FANCB: variants seen among roughly 807,000 people sequenced by gnomAD.
The protein encoded by FANCB is Fanconi anemia group B protein.
In FANCB, 5 loss-of-function variants were observed where a neutral mutation model predicts 38.9. The ratio of observed to expected loss-of-function variants is 0.13; its 90% CI spans 0.07 to 0.27. FANCB has a LOEUF of 0.27. Ranked by LOEUF, FANCB falls within the 10% of genes least tolerant of loss-of-function variation. The pLI is 1.00. For synonymous variants in FANCB, 236 were observed against 215.4 expected (o/e 1.10, Z -0.84); for missense variants, 573 against 602.7 (o/e 0.95, Z 0.52).
At position 14,843,435 on chromosome X, in the gene FANCB, C is replaced by T. The variant is rs2092361149; in HGVS notation, c.*132G>A. The T allele has an allele frequency of 4.4e-6, 2 of 455,023 alleles. No individual in the cohort carries two copies. Among genetic ancestry groups the T allele is most frequent in the African/African-American group, 5.0e-5 (2 of 40,340 alleles). The allele number at this position is 455,023 out of a possible 1,213,427, so 37.5% of individuals were successfully genotyped here. The stretch of plus-strand genomic sequence containing the variant: ...AACCACTGCTGTTTATTTTGTGCAT[C>T]ATCAAAACTAAAGTTTCTACTACAG... On this transcript the variant is annotated 3_prime_UTR_variant, in exon 10 of 10. Coordinates refer to ENST00000650831, the MANE Select transcript of FANCB (RefSeq NM_001018113.3).
chrX:14,781,846 G>C, the FANCB span, among the ~76,000 whole-genome samples: 1 of 112,057 alleles, frequency 8.9e-6, no homozygotes, highest in Non-Finnish European at 1.9e-5. Flanking sequence ...TATTCTAAAA[G>C]CAAGGTCACT....
At chrX:14,775,083 C>T in the FANCB span, among the ~76,000 whole-genome samples, 5 of 108,652 alleles carry the variant, frequency 4.6e-5, no homozygotes, top group African/African-American at 1.3e-4. Context: ...CTGCCCGCCT[C>T]GGCCTTCCAA....
At chrX:14,732,220 T>C in the FANCB span, among the ~76,000 whole-genome samples, 1 of 112,189 alleles carries the variant, frequency 8.9e-6, no homozygotes, top group Admixed American at 9.5e-5. Context: ...GAACTCATCC[T>C]TTTTTATGGC....
the FANCB span, among the ~76,000 whole-genome samples, chrX:14,780,931 C>T: frequency 5.5e-5 from 6 of 109,598 alleles, 1 homozygote; most frequent in African/African-American, 2.1e-4. Flanking sequence ...ATTTTTTCCC[C>T]AAAGCAGGGC....
the FANCB span, among the ~76,000 whole-genome samples, chrX:14,785,635 G>C: frequency 2.7e-5 from 3 of 111,944 alleles, no homozygotes; most frequent in African/African-American, 9.7e-5. Flanking sequence ...TCCTCCTCTG[G>C]TTCCCAACAG....
the FANCB span, among the ~76,000 whole-genome samples, chrX:14,707,757 G>GGTGTGTGT: frequency 0.056 from 5,977 of 106,120 alleles, 370 homozygotes; most frequent in African/African-American, 0.18. Context: ...CAGCAAAAAA[G>GGTGTGTGT]GTGTGTGTGT....
chrX:14,850,513 A>C lies in FANCB; in HGVS notation c.1488T>G (p.Ser496=). ...TGTTGGAATTTACTTACAGCTTCAA[A>C]GAAGATGTAGTTTTCACTCCAACAA... ...SLVVGVKTTS[S]LKLSLNDVTL... Residue 496 remains serine, a synonymous_variant, in exon 7 of 10, where the codon TCT becomes TCG. Transcript: ENST00000650831. 8.3e-7 allele frequency: 1 copy of C among 1,197,665 alleles called. No individual in the cohort carries two copies. The highest frequency in any genetic ancestry group is 1.8e-5 in the South Asian group (1 of 56,651).
the FANCB span, among the ~76,000 whole-genome samples, chrX:14,814,391 C>G: frequency 2.7e-5 from 3 of 111,966 alleles, no homozygotes; most frequent in South Asian, 3.7e-4. Flanking sequence ...AACAGGCAAC[C>G]TACAGAATGG....
the FANCB span, among the ~76,000 whole-genome samples, chrX:14,707,863 A>G: frequency 1.3e-3 from 147 of 111,062 alleles, 1 homozygote; most frequent in Middle Eastern, 4.7e-3. Flanking sequence ...AATCATATAT[A>G]TTTAAGGTAT....
At chrX:14,831,416 A>G (rs1262507484), downstream of FANCB, among the ~76,000 whole-genome samples, 1 of 112,201 alleles carries the variant, frequency 8.9e-6, no homozygotes, top group Non-Finnish European at 1.9e-5. Flanking sequence ...CACTGCAAAG[A>G]AATGAATCAA....
chrX:14,803,996 G>A, the FANCB span, among the ~76,000 whole-genome samples: 1 of 111,593 alleles, frequency 9.0e-6, no homozygotes, highest in Non-Finnish European at 1.9e-5. Flanking sequence ...AGGTGCTGGA[G>A]AGGATGTGGA....
the FANCB span, among the ~76,000 whole-genome samples, chrX:14,806,104 A>C: frequency 8.9e-6 from 1 of 112,091 alleles, no homozygotes; most frequent in Admixed American, 9.5e-5. Flanking sequence ...CATACAAGTA[A>C]GAGTAAGGAG....
chrX:14,845,605 G>C (rs2092373327), intron 7 of FANCB, among the ~76,000 whole-genome samples: 2 of 111,294 alleles, frequency 1.8e-5, no homozygotes, highest in African/African-American at 6.5e-5. Flanking sequence ...ATTTTTTTAA[G>C]ATAAAGGAAT....
intron 5 of FANCB, among the ~76,000 whole-genome samples, chrX:14,854,847 C>T (rs2092417095): frequency 8.9e-6 from 1 of 111,744 alleles, no homozygotes; most frequent in Admixed American, 9.5e-5. Flanking sequence ...TCAATACTAC[C>T]CTGGCCTTTT....
At chrX:14,774,189 A>G in the FANCB span, among the ~76,000 whole-genome samples, 5 of 112,219 alleles carry the variant, frequency 4.5e-5, no homozygotes, top group Non-Finnish European at 9.4e-5. Flanking sequence ...TTTTGTCTAG[A>G]ACCAGTCATT....
the FANCB span, among the ~76,000 whole-genome samples, chrX:14,803,776 C>G: frequency 2.1e-3 from 236 of 110,691 alleles, no homozygotes; most frequent in Non-Finnish European, 3.6e-3. Context: ...AAATTACCAA[C>G]AAATTTACAA....
At chrX:14,782,451 C>T in the FANCB span, among the ~76,000 whole-genome samples, 3 of 112,483 alleles carry the variant, frequency 2.7e-5, no homozygotes, top group East Asian at 5.6e-4. Context: ...GACTAGACCT[C>T]ACCCCTCATT....
the FANCB span, among the ~76,000 whole-genome samples, chrX:14,792,165 T>A: frequency 8.9e-6 from 1 of 112,109 alleles, no homozygotes; most frequent in Non-Finnish European, 1.9e-5. Flanking sequence ...AATTTAAGAT[T>A]CTTTAACTGG....
the FANCB span, among the ~76,000 whole-genome samples, chrX:14,826,935 T>C: frequency 9.0e-6 from 1 of 111,704 alleles, no homozygotes; most frequent in South Asian, 3.7e-4. Context: ...CTATTTCAAA[T>C]TGATCATGCT....
Sources: allele counts gnomAD v4.1 joint callset (sites outside exome capture counted in the v4.1 genomes callset), GRCh38; gene constraint gnomAD v4.1.1; transcripts MANE v1.5; gene names NCBI Gene and HGNC (gene_info 2026-07-23, HGNC 2026-07-21).